PDGFC: variants seen among roughly 807,000 people sequenced by gnomAD.
The protein encoded by PDGFC is platelet-derived growth factor C.
In PDGFC, 12 loss-of-function variants were observed where a neutral mutation model predicts 35.5. The observed-to-expected ratio is 0.34, with a 90% CI of 0.22 to 0.55. The LOEUF (loss-of-function observed/expected upper bound fraction) is 0.55. Ranked by LOEUF, PDGFC falls within the 20% of genes least tolerant of loss-of-function variation. PDGFC has a pLI of 0.91. For synonymous variants in PDGFC, 159 were observed against 148.8 expected (o/e 1.07, Z -0.50); for missense variants, 322 against 412.4 (o/e 0.78, Z 1.90).
rs1729790120 is a variant in PDGFC, at chr4:156,864,568, C to T, written c.119-14152G>A. On this transcript the variant is annotated intron_variant, in intron 1 of 5. Coordinates refer to ENST00000502773, the MANE Select transcript of PDGFC (RefSeq NM_016205.3). The stretch of plus-strand genomic sequence containing the variant: ...TTTCTCTTCACAATTCCCCTCCTCA[C>T]CACAATTCCAAGATGAAAACTTTTT... 2.0e-5 allele frequency among the ~76,000 whole-genome samples: 3 copies of T among 152,138 alleles called. 1 individual carries two copies. The South Asian group carries it at 6.2e-4, about 32-fold the overall frequency.
At chr4:156,914,232 G>C (rs907180925) in intron 1 of PDGFC, among the ~76,000 whole-genome samples, 1 of 152,084 alleles carries the variant, frequency 6.6e-6, no homozygotes, top group African/African-American at 2.4e-5. Flanking sequence ...TTGTGGGCGG[G>C]GAGATCTCAG....
intron 1 of PDGFC, among the ~76,000 whole-genome samples, chr4:156,913,503 G>A (rs1731089208): frequency 6.6e-6 from 1 of 152,204 alleles, no homozygotes; most frequent in Admixed American, 6.5e-5. Flanking sequence ...TAAGCCAGTT[G>A]CTTCTACCAG....
Position 156,780,895 on chromosome 4 carries a change from C to T in PDGFC, c.496-8002G>A, listed in dbSNP as rs150627092. Among the ~76,000 whole-genome samples, 457 of 152,256 alleles carry T rather than the reference C, an allele frequency of 3.0e-3. 11 individuals are homozygous for T. Among genetic ancestry groups the T allele is most frequent in the Admixed American group, 0.026 (405 of 15,302 alleles). On this transcript the variant is annotated intron_variant, in intron 3 of 5. Transcript: ENST00000502773. ...CAGTGTGTGAAAGTGGCTTTTCACA[C>T]ACTGTGCTCTGCAGATTTTCTTTTA...
intron 1 of PDGFC, among the ~76,000 whole-genome samples, chr4:156,877,212 A>C (rs1296944753): frequency 6.6e-6 from 1 of 152,064 alleles, no homozygotes; most frequent in Non-Finnish European, 1.5e-5. Context: ...TAATAGAGAA[A>C]ATGGGGTTTC....
intron 1 of PDGFC, among the ~76,000 whole-genome samples, chr4:156,866,685 C>A (rs1483518762): frequency 1.3e-5 from 2 of 151,998 alleles, no homozygotes; most frequent in South Asian, 2.1e-4. Flanking sequence ...TACCATCAGA[C>A]CTTCTATTTC....
chr4:156,970,117 C>A (rs751721244), intron 1 of PDGFC, among the ~76,000 whole-genome samples: 2 of 152,132 alleles, frequency 1.3e-5, no homozygotes, highest in Admixed American at 1.3e-4. Context: ...GAAAGTAATT[C>A]TCATTTCCTA....
At chr4:156,846,367 T>C (rs946225848) in intron 2 of PDGFC, among the ~76,000 whole-genome samples, 10 of 151,708 alleles carry the variant, frequency 6.6e-5, no homozygotes, top group Non-Finnish European at 1.0e-4. Flanking sequence ...AGGACCTAAT[T>C]ATGAAGAAAT....
At chr4:156,801,713 A>C (rs1731618000) in intron 3 of PDGFC, among the ~76,000 whole-genome samples, 1 of 152,210 alleles carries the variant, frequency 6.6e-6, no homozygotes, top group Admixed American at 6.5e-5. Flanking sequence ...ACTAATAAAG[A>C]AAGAATGCAA....
chr4:156,776,196 C>CT (rs546293171), intron 3 of PDGFC, among the ~76,000 whole-genome samples: 43 of 152,314 alleles, frequency 2.8e-4, no homozygotes, highest in African/African-American at 9.4e-4. Context: ...TCATTACAGA[C>CT]TAATAGCATT....
At chr4:156,830,802 G>C (rs777233004) in intron 2 of PDGFC, among the ~76,000 whole-genome samples, 6 of 152,080 alleles carry the variant, frequency 3.9e-5, no homozygotes, top group Non-Finnish European at 8.8e-5. Flanking sequence ...GATCAATTAA[G>C]TTATTTACTA....
chr4:156,852,444 T>C (rs1729480091), intron 1 of PDGFC, among the ~76,000 whole-genome samples: 1 of 152,196 alleles, frequency 6.6e-6, no homozygotes, highest in Non-Finnish European at 1.5e-5. Flanking sequence ...TCTTCATTTA[T>C]TTTACTTCCA....
intron 1 of PDGFC, among the ~76,000 whole-genome samples, chr4:156,860,639 A>T (rs1313986490): frequency 1.3e-5 from 2 of 152,190 alleles, no homozygotes; most frequent in Non-Finnish European, 2.9e-5. Context: ...AATACTAATT[A>T]TCTTGACAAA....
chr4:156,829,427 C>T (rs541555931), intron 2 of PDGFC, among the ~76,000 whole-genome samples: 3 of 152,278 alleles, frequency 2.0e-5, no homozygotes, highest in Admixed American at 6.5e-5. Context: ...AATTCTAGGC[C>T]GAGTGCCCAC....
chr4:156,916,263 G>C (rs1159900623), intron 1 of PDGFC, among the ~76,000 whole-genome samples: 1 of 152,114 alleles, frequency 6.6e-6, no homozygotes, highest in Non-Finnish European at 1.5e-5. Flanking sequence ...CTCTCACCCT[G>C]TATGCAAGCC....
At chr4:156,834,499 C>G (rs1255897667) in intron 2 of PDGFC, among the ~76,000 whole-genome samples, 2 of 152,054 alleles carry the variant, frequency 1.3e-5, no homozygotes, top group Non-Finnish European at 2.9e-5. Flanking sequence ...CATGAACTAG[C>G]TTGCTTATTC....
intron 1 of PDGFC, among the ~76,000 whole-genome samples, chr4:156,921,248 C>A (rs1432651117): frequency 1.3e-5 from 2 of 152,046 alleles, no homozygotes; most frequent in Non-Finnish European, 2.9e-5. Context: ...TGAAATAACG[C>A]TACAAAATTA....
At chr4:156,782,265 T>G (rs1378335963) in intron 3 of PDGFC, among the ~76,000 whole-genome samples, 1 of 152,192 alleles carries the variant, frequency 6.6e-6, no homozygotes, top group Admixed American at 6.6e-5. Flanking sequence ...TGCTCACTTA[T>G]CCTATGTCGG....
intron 1 of PDGFC, among the ~76,000 whole-genome samples, chr4:156,914,371 T>C (rs957903480): frequency 6.6e-6 from 1 of 152,138 alleles, no homozygotes. Flanking sequence ...GCTTACTGCC[T>C]ATATAGCCTT....
At chr4:156,791,019 A>G (rs938549792) in intron 3 of PDGFC, among the ~76,000 whole-genome samples, 1 of 152,170 alleles carries the variant, frequency 6.6e-6, no homozygotes, top group African/African-American at 2.4e-5. Context: ...TCCTAGGATC[A>G]ACATTCATAT....
Sources: allele counts gnomAD v4.1 joint callset (sites outside exome capture counted in the v4.1 genomes callset), GRCh38; gene constraint gnomAD v4.1.1; transcripts MANE v1.5; gene names NCBI Gene and HGNC (gene_info 2026-07-23, HGNC 2026-07-21).